DPP6: variants seen among roughly 807,000 people sequenced by gnomAD.
DPP6 encodes dipeptidyl peptidase like 6, also known as A-type potassium channel modulatory protein DPP6.
A neutral mutation model predicts 122.6 loss-of-function variants in DPP6; 69 were observed. That is an observed-to-expected ratio of 0.56 (90% CI 0.46 to 0.69). The LOEUF (loss-of-function observed/expected upper bound fraction) is 0.69, where lower values mean the gene tolerates loss of function less well. Among genes scored for constraint, DPP6 ranks in the 30% least tolerant of loss-of-function variants. The pLI is 0.00. For synonymous variants in DPP6, 418 were observed against 433.1 expected (o/e 0.97, Z 0.43); for missense variants, 928 against 1,116.9 (o/e 0.83, Z 2.41).
chr7:153,870,505 G>C, the DPP6 span, among the ~76,000 whole-genome samples: 14 of 152,142 alleles, frequency 9.2e-5, no homozygotes, highest in Non-Finnish European at 2.1e-4. Flanking sequence ...GCTCCATCAG[G>C]TCCTTTAAGG....
intron 1 of DPP6, among the ~76,000 whole-genome samples, chr7:154,324,701 T>C (rs1015349311): frequency 6.6e-6 from 1 of 152,144 alleles, no homozygotes; most frequent in Non-Finnish European, 1.5e-5. Flanking sequence ...TCCTGAATCT[T>C]GTCCTGACGT....
intron 1 of DPP6, among the ~76,000 whole-genome samples, chr7:154,321,705 A>T (rs1376095427): frequency 6.7e-6 from 1 of 149,982 alleles, no homozygotes; most frequent in Non-Finnish European, 1.5e-5. Flanking sequence ...GGATCGCTTG[A>T]ACCCAGAAGG....
intron 1 of DPP6, among the ~76,000 whole-genome samples, chr7:154,252,464 T>C (rs1180866236): frequency 1.3e-5 from 2 of 152,224 alleles, no homozygotes; most frequent in Non-Finnish European, 2.9e-5. Context: ...GATCTATTAT[T>C]GTTTTAAATT....
At chr7:153,845,188 G>A in the DPP6 span, among the ~76,000 whole-genome samples, 1 of 152,198 alleles carries the variant, frequency 6.6e-6, no homozygotes, top group Middle Eastern at 3.4e-3. Flanking sequence ...TATTAAGAAT[G>A]CTTATAGGTC....
intron 17 of DPP6, among the ~76,000 whole-genome samples, chr7:154,867,765 T>TG (rs921184455): frequency 3.9e-5 from 6 of 152,048 alleles, no homozygotes; most frequent in Non-Finnish European, 8.8e-5. Context: ...CCTAAGACGG[T>TG]GGGGAGAATC....
intron 1 of DPP6, among the ~76,000 whole-genome samples, chr7:154,060,612 T>A (rs141617932): frequency 4.1e-4 from 32 of 78,190 alleles, no homozygotes; most frequent in Admixed American, 4.0e-3. Context: ...TTCCCCCCCC[T>A]GGCTCTGAGG....
intron 21 of DPP6, chr7:154,884,440 T>TACACATACTC (rs1563325348): frequency 9.6e-6 from 1 of 103,714 alleles, no homozygotes; most frequent in Non-Finnish European, 2.0e-5. Context: ...TGCTCACCTA[T>TACACATACTC]ACACATGCTC....
At chr7:154,646,501 G>T (rs1374353693) in intron 6 of DPP6, among the ~76,000 whole-genome samples, 2 of 152,120 alleles carry the variant, frequency 1.3e-5, no homozygotes, top group Non-Finnish European at 2.9e-5. Context: ...TCAAGCCACA[G>T]CGTCAAAACC....
At chr7:154,555,035 C>G (rs1829915133) in intron 4 of DPP6, among the ~76,000 whole-genome samples, 1 of 152,030 alleles carries the variant, frequency 6.6e-6, no homozygotes, top group African/African-American at 2.4e-5. Flanking sequence ...AAGAACCAAC[C>G]ATCAGTGAAA....
At chr7:154,305,899 C>G (rs902167782) in intron 1 of DPP6, among the ~76,000 whole-genome samples, 1 of 152,132 alleles carries the variant, frequency 6.6e-6, no homozygotes, top group African/African-American at 2.4e-5. Context: ...CCAGATCTAA[C>G]GAGTTCCCTG....
At chr7:154,745,458 C>T (rs1842994494) in intron 8 of DPP6, among the ~76,000 whole-genome samples, 1 of 152,176 alleles carries the variant, frequency 6.6e-6, no homozygotes, top group African/African-American at 2.4e-5. Flanking sequence ...ATGTACCAGG[C>T]TTAGTAACAC....
intron 2 of DPP6, among the ~76,000 whole-genome samples, chr7:154,458,687 T>C (rs1250457341): frequency 3.9e-5 from 6 of 152,202 alleles, no homozygotes; most frequent in Non-Finnish European, 5.9e-5. Flanking sequence ...ATTGCCACTT[T>C]TACGGTGGCC....
At chr7:154,060,882 G>A (rs1288425301) in intron 1 of DPP6, among the ~76,000 whole-genome samples, 10 of 143,870 alleles carry the variant, frequency 7.0e-5, no homozygotes, top group Non-Finnish European at 7.8e-5. Flanking sequence ...ACAGAGTGGG[G>A]AGGCACCCCC....
the DPP6 span, among the ~76,000 whole-genome samples, chr7:153,855,341 C>G: frequency 6.6e-6 from 1 of 151,806 alleles, no homozygotes; most frequent in African/African-American, 2.4e-5. Context: ...ATTTTAGGAT[C>G]CACTCATTAA....
chr7:153,970,753 T>A (rs1196795454), intron 1 of DPP6, among the ~76,000 whole-genome samples: 1 of 152,212 alleles, frequency 6.6e-6, no homozygotes, highest in Admixed American at 6.5e-5. Flanking sequence ...GGTGATTGTC[T>A]CCATGGAGTT....
Position 154,173,651 on chromosome 7 carries a change from A to G in DPP6, c.243+120588A>G, listed in dbSNP as rs1585550140. Among the ~76,000 whole-genome samples the G allele has an allele frequency of 2.7e-5, 4 of 150,640 alleles. No individual in the cohort carries two copies. The South Asian group carries it at 8.5e-4, about 32-fold the overall frequency. On this transcript the variant is annotated intron_variant, in intron 1 of 25. Transcript: ENST00000377770. ...CTCTTTGCTGCTGACCAGCTGTGCA[A>G]CTCTGTGCATCTGAGGGACTCCTCT...
At chr7:154,158,880 G>A (rs1796829967) in intron 1 of DPP6, among the ~76,000 whole-genome samples, 1 of 151,918 alleles carries the variant, frequency 6.6e-6, no homozygotes, top group Non-Finnish European at 1.5e-5. Flanking sequence ...TCTAGGACAC[G>A]GGTCGGGAGG....
At chr7:153,763,071 G>A in the DPP6 span, among the ~76,000 whole-genome samples, 2 of 152,174 alleles carry the variant, frequency 1.3e-5, no homozygotes, top group South Asian at 2.1e-4. Flanking sequence ...AAGGCGGAGA[G>A]CAGCAGAGAT....
intron 3 of DPP6, among the ~76,000 whole-genome samples, chr7:154,520,204 G>A (rs1345218521): frequency 6.6e-6 from 1 of 152,202 alleles, no homozygotes; most frequent in Non-Finnish European, 1.5e-5. Context: ...AAATTTACTT[G>A]TCTCTCAAAT....
Sources: allele counts gnomAD v4.1 joint callset (sites outside exome capture counted in the v4.1 genomes callset), GRCh38; gene constraint gnomAD v4.1.1; transcripts MANE v1.5; gene names NCBI Gene and HGNC (gene_info 2026-07-23, HGNC 2026-07-21).